Variants in CCDC91 observed in about 807,000 individuals in gnomAD.
CCDC91 encodes the protein coiled-coil domain containing 91.
In CCDC91, 48 loss-of-function variants were observed where a neutral mutation model predicts 63.2. The observed-to-expected ratio is 0.76, with a 90% CI of 0.60 to 0.97. CCDC91 has a LOEUF of 0.97. Among genes scored for constraint, CCDC91 ranks in the 50% least tolerant of loss-of-function variants. The probability of loss-of-function intolerance (pLI) is 0.00; values close to 1 mark genes in which losing one functional copy is unlikely to be tolerated. For synonymous variants in CCDC91, 167 were observed against 165.8 expected (o/e 1.01, Z -0.06); for missense variants, 500 against 494.6 (o/e 1.01, Z -0.10).
At chr12:28,483,909 G>A (rs1592809414) in intron 11 of CCDC91, 143 bp from the exon 12 acceptor site, 1 of 492,404 alleles carries the variant, frequency 2.0e-6, no homozygotes, top group Non-Finnish European at 3.7e-6. Context: ...AAAAGATTCT[G>A]TAAGTTCTTA....
chr12:28,206,535 C>T (rs1942864373), intron 1 of CCDC91, among the ~76,000 whole-genome samples: 1 of 152,102 alleles, frequency 6.6e-6, no homozygotes, highest in African/African-American at 2.4e-5. Context: ...ATGCTCCTTA[C>T]CTAGGGTCCC....
rs571420407 is a variant in CCDC91, at chr12:28,437,774, G to A, written c.763-12387G>A. Among the ~76,000 whole-genome samples the A allele has an allele frequency of 3.8e-4, 57 of 151,676 alleles. 1 individual carries two copies. In the South Asian group the frequency reaches 0.012, roughly 31 times the overall value. On this transcript the variant is annotated intron_variant, in intron 8 of 12. Transcript: ENST00000536442. ...TCCTTTTTTTTTAACAAAATAATTT[G>A]GGTAAAATTCAATGTTCTGTCATAG...
At position 28,458,254 on chromosome 12, in the gene CCDC91, CATA is replaced by C. The variant is rs537007256; in HGVS notation, c.1101+5603_1101+5605del. ...ATAATAATCTAGATGATAATAAAATCATAATGACATTTTAAATTATCAAATGTA... is the reference window on the plus strand; with the variant it reads ...ATAATAATCTAGATGATAATAAAATCATGACATTTTAAATTATCAAATGTA... On this transcript the variant is annotated intron_variant, in intron 11 of 12. Coordinates refer to ENST00000536442, the MANE Select transcript of CCDC91 (RefSeq NM_018318.5). Among the ~76,000 whole-genome samples the C allele has an allele frequency of 5.9e-5, 9 of 151,834 alleles. 1 individual carries two copies. In the South Asian group the frequency reaches 1.9e-3, roughly 32 times the overall value.
At chr12:28,427,862 C>T (rs1305744051) in intron 8 of CCDC91, among the ~76,000 whole-genome samples, 1 of 152,062 alleles carries the variant, frequency 6.6e-6, no homozygotes, top group Non-Finnish European at 1.5e-5. Context: ...TTTTCATTAT[C>T]TACTTTAGCA....
chr12:28,432,722 T>A (rs964841429), intron 8 of CCDC91, among the ~76,000 whole-genome samples: 22 of 152,266 alleles, frequency 1.4e-4, no homozygotes, highest in African/African-American at 5.1e-4. Flanking sequence ...TTTCAACTTA[T>A]TTGGGTAAAT....
chr12:28,287,311 G>T (rs538029872), intron 3 of CCDC91, among the ~76,000 whole-genome samples: 1 of 152,198 alleles, frequency 6.6e-6, no homozygotes, highest in Admixed American at 6.5e-5. Context: ...GTATTGCCTA[G>T]GTTGTCTTCC....
chr12:28,267,729 T>TATATATTACTAATATA (rs1565698861), intron 3 of CCDC91, among the ~76,000 whole-genome samples: 1 of 30,936 alleles, frequency 3.2e-5, no homozygotes, highest in Admixed American at 7.7e-4. Context: ...ATATATTATT[T>TATATATTACTAATATA]ATTATATATA....
intron 6 of CCDC91, among the ~76,000 whole-genome samples, chr12:28,347,728 G>A (rs1237303834): frequency 6.6e-6 from 1 of 152,162 alleles, no homozygotes; most frequent in African/African-American, 2.4e-5. Flanking sequence ...TGTAGTTGCA[G>A]CTCTGGTCCT....
At chr12:28,335,781 A>G (rs1565816417) in intron 6 of CCDC91, among the ~76,000 whole-genome samples, 1 of 151,964 alleles carries the variant, frequency 6.6e-6, no homozygotes, top group Non-Finnish European at 1.5e-5. Flanking sequence ...TAAGGCAAAC[A>G]TTCTTATCTC....
intron 3 of CCDC91, among the ~76,000 whole-genome samples, chr12:28,303,075 G>T (rs1938255953): frequency 6.6e-6 from 1 of 151,996 alleles, no homozygotes; most frequent in South Asian, 2.1e-4. Context: ...CAAAGGAGGA[G>T]TTTTAAGAAA....
intron 1 of CCDC91, among the ~76,000 whole-genome samples, chr12:28,238,533 AT>A (rs1401538149): frequency 2.0e-5 from 3 of 152,176 alleles, no homozygotes; most frequent in East Asian, 1.9e-4. Context: ...AATTAAAAAA[AT>A]ATATTTATAC....
intron 2 of CCDC91, 53 bp downstream of exon 2, chr12:28,257,298 A>G: frequency 8.5e-7 from 1 of 1,177,466 alleles, no homozygotes; most frequent in Non-Finnish European, 1.3e-6. Context: ...ATTATAATGG[A>G]GTAAACTATT....
chr12:28,521,963 G>A (rs562019079), intron 12 of CCDC91, among the ~76,000 whole-genome samples: 1 of 152,116 alleles, frequency 6.6e-6, no homozygotes, highest in African/African-American at 2.4e-5. Context: ...TGTGCTGCTG[G>A]ATTCGGTTTG....
At chr12:28,482,698 C>T (rs552500452) in intron 11 of CCDC91, among the ~76,000 whole-genome samples, 2 of 151,906 alleles carry the variant, frequency 1.3e-5, no homozygotes, top group African/African-American at 2.4e-5. Context: ...CTATGGGCTT[C>T]TTATAAGAAG....
At chr12:28,333,925 T>A (rs1256807827) in intron 6 of CCDC91, among the ~76,000 whole-genome samples, 1 of 152,190 alleles carries the variant, frequency 6.6e-6, no homozygotes, top group Non-Finnish European at 1.5e-5. Flanking sequence ...AATCACTGAG[T>A]TATTACCTTT....
chr12:28,344,603 A>G (rs530810630), intron 6 of CCDC91, among the ~76,000 whole-genome samples: 1 of 152,314 alleles, frequency 6.6e-6, no homozygotes, highest in African/African-American at 2.4e-5. Flanking sequence ...CAAAAATAAA[A>G]GGAAGACTCT....
chr12:28,221,704 G>C (rs1291365867), intron 1 of CCDC91, among the ~76,000 whole-genome samples: 5 of 152,166 alleles, frequency 3.3e-5, no homozygotes, highest in Admixed American at 1.3e-4. Flanking sequence ...CACTCTGACT[G>C]ATAGGAATAC....
chr12:28,479,945 T>C (rs1951353723), intron 11 of CCDC91, among the ~76,000 whole-genome samples: 1 of 151,996 alleles, frequency 6.6e-6, no homozygotes, highest in Non-Finnish European at 1.5e-5. Context: ...ATGTAAAGAC[T>C]ATATAAATGG....
intron 3 of CCDC91, among the ~76,000 whole-genome samples, chr12:28,298,622 T>G (rs1337397106): frequency 1.3e-5 from 2 of 151,188 alleles, no homozygotes; most frequent in Admixed American, 6.6e-5. Flanking sequence ...ATTTAAGAAC[T>G]AGAGTGTTAA....
Sources: gnomAD v4.1 joint callset for allele counts (sites outside exome capture counted in the v4.1 genomes callset) on GRCh38, gnomAD v4.1.1 for gene constraint, MANE v1.5 for transcripts, NCBI Gene and HGNC (gene_info 2026-07-23, HGNC 2026-07-21) for gene names.